AACS: variants seen among roughly 807,000 people sequenced by gnomAD.
The protein encoded by AACS is acetoacetyl-CoA synthetase, also known as acetoacetate-CoA ligase.
AACS carries 69 observed loss-of-function variants against 83.1 expected under a neutral mutation model. The ratio of observed to expected loss-of-function variants is 0.83; its 90% CI spans 0.68 to 1.01. The LOEUF (loss-of-function observed/expected upper bound fraction) is 1.01. Among genes scored for constraint, AACS ranks in the 50% least tolerant of loss-of-function variants. The probability of loss-of-function intolerance (pLI) is 0.00; values close to 1 mark genes in which losing one functional copy is unlikely to be tolerated. For synonymous variants in AACS, 333 were observed against 343.4 expected, an observed-to-expected ratio of 0.97 and a Z score of 0.33; for missense variants, 866 against 882.2, an observed-to-expected ratio of 0.98 and a Z score of 0.23.
chr12:125,139,350 T>C (rs1957446477), intron 17 of AACS: 1 of 152,432 alleles, frequency 6.6e-6, no homozygotes, highest in South Asian at 2.1e-4. Context: ...GCGTAGTCCT[T>C]GCCGCCAGCC....
At chr12:125,142,010 T>C in intron 17 of AACS, 82 bp from the exon 18 acceptor site, 6 of 1,556,506 alleles carry the variant, frequency 3.9e-6, no homozygotes, top group Non-Finnish European at 5.2e-6. Flanking sequence ...AGCTGGGCCT[T>C]TGGGGCCTGG....
chr12:125,074,546 CA>C (rs936020018), intron 2 of AACS, among the ~76,000 whole-genome samples: 15 of 143,788 alleles, frequency 1.0e-4, no homozygotes, highest in Middle Eastern at 3.7e-3. Flanking sequence ...GACCCTGTCT[CA>C]AAAAAAAAGG....
At chr12:125,076,978 G>T (rs1037252699) in intron 3 of AACS, among the ~76,000 whole-genome samples, 8 of 152,162 alleles carry the variant, frequency 5.3e-5, no homozygotes, top group South Asian at 4.2e-4. Context: ...ATCATGGATG[G>T]CTCACTGCAG....
intron 1 of AACS, among the ~76,000 whole-genome samples, chr12:125,068,671 C>G (rs983584787): frequency 2.0e-5 from 3 of 152,086 alleles, no homozygotes; most frequent in African/African-American, 7.2e-5. Context: ...ACCTGACTCT[C>G]CCCTTTCATA....
chr12:125,104,049 A>AATGGATT (rs1460275911), intron 7 of AACS, among the ~76,000 whole-genome samples: 1 of 147,000 alleles, frequency 6.8e-6, no homozygotes, highest in Non-Finnish European at 1.5e-5. Flanking sequence ...AGATTAAGGA[A>AATGGATT]ATGGATTATG....
intron 5 of AACS, among the ~76,000 whole-genome samples, chr12:125,095,280 C>T (rs1592966295): frequency 6.6e-6 from 1 of 152,344 alleles, no homozygotes; most frequent in East Asian, 1.9e-4. Flanking sequence ...AAAACTTCAG[C>T]TGTGTCAGAG....
At chr12:125,117,777 G>A (rs1278144709) in intron 9 of AACS, 1 of 152,206 alleles carries the variant, frequency 6.6e-6, no homozygotes, top group Non-Finnish European at 1.5e-5. Context: ...CTTGAGGCCA[G>A]GAGTTCAAGA....
At chr12:125,070,473 TG>T (rs1955830769) in intron 1 of AACS, among the ~76,000 whole-genome samples, 1 of 152,140 alleles carries the variant, frequency 6.6e-6, no homozygotes, top group Admixed American at 6.6e-5. Flanking sequence ...CACTCCAGCC[TG>T]GGCAGAAGAG....
chr12:125,117,140 G>A (rs970718417), intron 9 of AACS, among the ~76,000 whole-genome samples: 5 of 151,894 alleles, frequency 3.3e-5, no homozygotes, highest in African/African-American at 4.8e-5. Context: ...GTCCAGGCAC[G>A]GTGGCTCACG....
rs1489515279 is a variant in AACS, at chr12:125,097,600, T to G, written c.571-5079T>G. 1.3e-5 allele frequency among the ~76,000 whole-genome samples: 2 copies of G among 152,106 alleles called. No individual in the cohort carries two copies. Among genetic ancestry groups the G allele is most frequent in the Non-Finnish European group, 2.9e-5 (2 of 68,012 alleles). ...CTTGGTCTGCGCCTCCTCCCGTGCC[T>G]TCCGCAGTGGCCAAGGTGTTCAGCT... On this transcript the variant is annotated intron_variant, in intron 5 of 17. Coordinates refer to ENST00000316519, the MANE Select transcript of AACS (RefSeq NM_023928.5). This position sits in a 1 kb window ranked among gnomAD's most constrained non-coding sequence, Gnocchi z 4.3.
At chr12:125,139,268 C>T (rs1292208048) in intron 17 of AACS, 1 of 152,314 alleles carries the variant, frequency 6.6e-6, no homozygotes, top group Non-Finnish European at 1.5e-5. Flanking sequence ...CTCACTCACC[C>T]GCCACAGCTC....
rs929941331 is a variant in AACS at position 125,097,271 on chromosome 12, C to T, written c.571-5408C>T. On this transcript the variant is annotated intron_variant, in intron 5 of 17. Transcript: ENST00000316519. This position sits in a 1 kb window ranked among gnomAD's most constrained non-coding sequence, Gnocchi z 4.3. ...GGAAATAGTCTTTGTCCACCAAGGA[C>T]GTCACTGAGGAAGGGGTACCGGGGG... is the stretch of plus-strand genomic sequence containing the variant. 6.6e-6 allele frequency among the ~76,000 whole-genome samples: 1 copy of T among 151,908 alleles called. No homozygotes were observed. Among genetic ancestry groups the T allele is most frequent in the Non-Finnish European group, 1.5e-5 (1 of 67,984 alleles).
intron 9 of AACS, 153 bp from the exon 10 acceptor site, chr12:125,118,488 C>A (rs1005670357): frequency 2.1e-6 from 2 of 962,960 alleles, no homozygotes; most frequent in Non-Finnish European, 3.0e-6. Flanking sequence ...TGTGGAGTTG[C>A]CGGGCCAGAG....
At chr12:125,120,058 C>T (rs1333695784) in intron 10 of AACS, 1 of 152,196 alleles carries the variant, frequency 6.6e-6, no homozygotes, top group African/African-American at 2.4e-5. Flanking sequence ...AGACAGGAAT[C>T]CCATGAGCAC....
chr12:125,079,589 A>G (rs1009730391), intron 3 of AACS, among the ~76,000 whole-genome samples: 5 of 151,704 alleles, frequency 3.3e-5, no homozygotes, highest in African/African-American at 1.2e-4. Flanking sequence ...AAGTTTTGCC[A>G]TGTTGCTCAG....
intron 13 of AACS, 93 bp downstream of exon 13, chr12:125,128,367 T>C: frequency 8.7e-7 from 1 of 1,148,070 alleles, no homozygotes; most frequent in Non-Finnish European, 1.2e-6. Flanking sequence ...GACATAGTTC[T>C]CCAAAACAGC....
intron 12 of AACS, chr12:125,127,566 T>C: frequency 6.6e-6 from 1 of 152,288 alleles, no homozygotes; most frequent in African/African-American, 2.4e-5. Flanking sequence ...CTCAGCCTCC[T>C]GAGTAGCTGG....
chr12:125,133,060 AG>A (rs1355901545), intron 14 of AACS, among the ~76,000 whole-genome samples: 2 of 152,228 alleles, frequency 1.3e-5, no homozygotes, highest in Non-Finnish European at 2.9e-5. Context: ...TTATTGCAGG[AG>A]GCCAGCCTGC....
rs369312302 is a variant in AACS, at chr12:125,118,690, C to T, written c.1046C>T (p.Ala349Val). 3.1e-5 allele frequency: 50 copies of T among 1,613,914 alleles called. No individual in the cohort carries two copies. Among genetic ancestry groups the T allele is most frequent in the East Asian group, 1.1e-4 (5 of 44,882 alleles). ...ATGGTGTCCCTTCTGGCCACAGGAG[C>T]GGCCATGGTCTTGTACGATGGCTCC... ...NWMVSLLATG[A>V]AMVLYDGSPL... Residue 349 changes from alanine (A) to valine (V), a missense_variant, in exon 10 of 18, where the codon GCG becomes GTG. Physicochemically the swap from Ala to Val is moderately conservative, Grantham distance 64 (BLOSUM62 0). Coordinates refer to ENST00000316519, the MANE Select transcript of AACS (RefSeq NM_023928.5).
Sources: gnomAD v4.1 joint callset for allele counts (sites outside exome capture counted in the v4.1 genomes callset) on GRCh38, gnomAD v4.1.1 for gene constraint, Gnocchi (gnomAD v3.1) non-coding constraint, MANE v1.5 for transcripts, NCBI Gene and HGNC (gene_info 2026-07-23, HGNC 2026-07-21) for gene names.